The following RAB11FIP4 variants were observed in gnomAD, a reference collection of about 807,000 sequenced individuals.
The protein encoded by RAB11FIP4 is RAB11 family interacting protein 4, also known as rab11 family-interacting protein 4.
In RAB11FIP4, 23 loss-of-function variants were observed where a neutral mutation model predicts 74.3. The ratio of observed to expected loss-of-function variants is 0.31; its 90% CI spans 0.22 to 0.44. The LOEUF (loss-of-function observed/expected upper bound fraction) is 0.44. Among genes scored for constraint, RAB11FIP4 ranks in the 20% least tolerant of loss-of-function variants. RAB11FIP4 has a pLI of 1.00. For missense variants in RAB11FIP4, 630 were observed against 863.9 expected (o/e 0.73, Z 3.39); for synonymous variants, 360 against 359.9 (o/e 1.00, Z 0.00).
In RAB11FIP4 at chr17:31,445,558, ATATATATATATATATATATATTTTTTT is replaced by A. The variant is rs1406859288; in HGVS notation, c.336+11438_336+11464del. 5.7e-3 allele frequency among the ~76,000 whole-genome samples: 78 copies of A among 13,758 alleles called. 1 individual carries two copies. The South Asian group carries it at 0.066, about 12-fold the overall frequency. The allele number at this position is 13,758 out of a possible 152,430, so 9.0% of individuals were successfully genotyped here. On this transcript the variant is annotated intron_variant, in intron 3 of 14. Coordinates refer to ENST00000621161, the MANE Select transcript of RAB11FIP4 (RefSeq NM_032932.6). The stretch of plus-strand genomic sequence containing the variant: ...TATATATATATATATATATATATAT[ATATATATATATATATATATATTTTTTT>A]TTTTTTTTTTTTTTTTTTGACACGG...
At chr17:31,524,941 G>T in intron 9 of RAB11FIP4, 149 bp from the exon 10 acceptor site, 2 of 897,358 alleles carry the variant, frequency 2.2e-6, no homozygotes, top group African/African-American at 3.4e-5. Flanking sequence ...CGGTGTCCCC[G>T]TTCATCTCTC....
At chr17:31,455,265 A>G (rs1272523469) in intron 3 of RAB11FIP4, among the ~76,000 whole-genome samples, 1 of 152,152 alleles carries the variant, frequency 6.6e-6, no homozygotes, top group East Asian at 1.9e-4. Context: ...TAAGGGCAGT[A>G]TATTCTGGGA....
intron 1 of RAB11FIP4, among the ~76,000 whole-genome samples, chr17:31,426,676 G>A (rs1217344176): frequency 7.4e-6 from 1 of 134,764 alleles, no homozygotes; most frequent in Non-Finnish European, 1.5e-5. Context: ...TTGGCTCACC[G>A]CAACCTCTGC....
intron 3 of RAB11FIP4, among the ~76,000 whole-genome samples, chr17:31,474,045 CT>C (rs1465839137): frequency 6.6e-6 from 1 of 152,182 alleles, no homozygotes; most frequent in Non-Finnish European, 1.5e-5. Flanking sequence ...GAAGGACTAT[CT>C]TGGCTCCAGA....
intron 3 of RAB11FIP4, among the ~76,000 whole-genome samples, chr17:31,471,529 A>C (rs1012514426): frequency 6.6e-6 from 1 of 152,122 alleles, no homozygotes; most frequent in Non-Finnish European, 1.5e-5. Context: ...TACTATTCCT[A>C]TCCCCATTTC....
At chr17:31,463,166 C>T (rs2071649329) in intron 3 of RAB11FIP4, among the ~76,000 whole-genome samples, 1 of 152,176 alleles carries the variant, frequency 6.6e-6, no homozygotes, top group Non-Finnish European at 1.5e-5. Flanking sequence ...TGTAAGGAGT[C>T]CTGCTGCAAG....
chr17:31,402,590 T>TTA (rs1215247942), intron 1 of RAB11FIP4, among the ~76,000 whole-genome samples: 10 of 127,034 alleles, frequency 7.9e-5, no homozygotes, highest in African/African-American at 2.5e-4. Flanking sequence ...TCAGATTATT[T>TTA]TATTTATTTT....
intron 1 of RAB11FIP4, among the ~76,000 whole-genome samples, chr17:31,413,349 C>T (rs1036362590): frequency 3.3e-5 from 5 of 152,092 alleles, no homozygotes; most frequent in Non-Finnish European, 5.9e-5. Context: ...CAGCGAGCAG[C>T]GCCTTTCAAA....
Position 31,434,099 on chromosome 17 carries a change from G to A in RAB11FIP4, c.313G>A (p.Glu105Lys). ...CGCGGGGACGCTGCCGTGCGCGCCA[G>A]AGATCCCAGACTGCGTGGAGCAGGT... ...ESAGTLPCAP[E>K]IPDCVEQGSE... Residue 105 changes from glutamate to lysine, a missense_variant, in exon 3 of 15, where the codon GAG (glutamate) becomes AAG (lysine). Physicochemically the swap from Glu to Lys is moderately conservative, Grantham distance 56. Coordinates refer to ENST00000621161, the MANE Select transcript of RAB11FIP4 (RefSeq NM_032932.6). 1.3e-6 allele frequency: 2 copies of A among 1,584,316 alleles called. No homozygotes were observed. Among genetic ancestry groups the A allele is most frequent in the Non-Finnish European group, 1.7e-6 (2 of 1,173,014 alleles).
chr17:31,490,146 G>C (rs1177139605), intron 3 of RAB11FIP4, among the ~76,000 whole-genome samples: 1 of 152,062 alleles, frequency 6.6e-6, no homozygotes, highest in East Asian at 1.9e-4. Context: ...ATACTCCACC[G>C]GCCCTCACTC....
intron 1 of RAB11FIP4, among the ~76,000 whole-genome samples, chr17:31,393,147 A>G (rs1403649822): frequency 2.0e-5 from 3 of 152,246 alleles, no homozygotes; most frequent in Non-Finnish European, 2.9e-5. Context: ...AGCTGTGGGC[A>G]GAAGAGAGTG....
At chr17:31,504,355 ACTCCTGAC>A in intron 3 of RAB11FIP4, among the ~76,000 whole-genome samples, 1 of 148,010 alleles carries the variant, frequency 6.8e-6, no homozygotes, top group East Asian at 2.0e-4. Flanking sequence ...ATGGTCTTGA[ACTCCTGAC>A]CTCATGATCC....
At chr17:31,505,625 A>AT (rs1555548849) in intron 3 of RAB11FIP4, among the ~76,000 whole-genome samples, 3 of 80,946 alleles carry the variant, frequency 3.7e-5, no homozygotes, top group Admixed American at 2.0e-4. Context: ...TATAATATAT[A>AT]ATTATATAAT....
At chr17:31,470,189 G>A (rs897818851) in intron 3 of RAB11FIP4, among the ~76,000 whole-genome samples, 1 of 152,192 alleles carries the variant, frequency 6.6e-6, no homozygotes, top group Admixed American at 6.5e-5. Flanking sequence ...CAAAGTGGTT[G>A]TGACCTCCCT....
chr17:31,454,494 G>T (rs1284847442), intron 3 of RAB11FIP4, among the ~76,000 whole-genome samples: 1 of 151,926 alleles, frequency 6.6e-6, no homozygotes, highest in Non-Finnish European at 1.5e-5. Context: ...GGTTGTTCTC[G>T]AACCCATGAC....
intron 3 of RAB11FIP4, among the ~76,000 whole-genome samples, chr17:31,456,156 C>T (rs891047305): frequency 2.6e-5 from 4 of 152,214 alleles, no homozygotes; most frequent in Non-Finnish European, 5.9e-5. Context: ...AATATTGCTT[C>T]AATTTCATTA....
intron 3 of RAB11FIP4, among the ~76,000 whole-genome samples, chr17:31,477,752 T>G (rs1159335201): frequency 1.3e-5 from 2 of 152,216 alleles, no homozygotes; most frequent in Non-Finnish European, 2.9e-5. Flanking sequence ...CTCTCTTTTT[T>G]ACATAGGATA....
chr17:31,446,001 G>A (rs2071460166), intron 3 of RAB11FIP4, among the ~76,000 whole-genome samples: 1 of 151,084 alleles, frequency 6.6e-6, no homozygotes, highest in African/African-American at 2.4e-5. Context: ...GAGTTCCTTG[G>A]CTTTTTTTTT....
chr17:31,519,496 AGT>A (rs1414317048), intron 4 of RAB11FIP4, among the ~76,000 whole-genome samples: 1 of 152,116 alleles, frequency 6.6e-6, no homozygotes, highest in African/African-American at 2.4e-5. Context: ...GCCCTCACCA[AGT>A]CTCTCGAGGG....
Sources: allele counts gnomAD v4.1 joint callset (sites outside exome capture counted in the v4.1 genomes callset), GRCh38; gene constraint gnomAD v4.1.1; transcripts MANE v1.5; gene names NCBI Gene and HGNC (gene_info 2026-07-23, HGNC 2026-07-21).